The following FRMPD4 variants were observed in gnomAD, a reference collection of about 807,000 sequenced individuals.
The protein encoded by FRMPD4 is FERM and PDZ domain containing 4.
FRMPD4 carries 22 observed loss-of-function variants against 94.1 expected under a neutral mutation model. That is an observed-to-expected ratio of 0.23 (90% CI 0.17 to 0.33). FRMPD4 has a LOEUF of 0.33. FRMPD4 is among the 10% of genes least tolerant of loss of function. FRMPD4 has a pLI of 1.00. For synonymous variants in FRMPD4, 631 were observed against 548.6 expected, an observed-to-expected ratio of 1.15 and a Z score of -2.10; for missense variants, 1,111 against 1,339.9, an observed-to-expected ratio of 0.83 and a Z score of 2.67.
intron 3 of FRMPD4, among the ~76,000 whole-genome samples, chrX:11,888,721 A>G (rs1346282594): frequency 8.9e-6 from 1 of 112,410 alleles, no homozygotes; most frequent in Non-Finnish European, 1.9e-5. Context: ...AGTATATACA[A>G]AAGTTATGTT....
intron 1 of FRMPD4, among the ~76,000 whole-genome samples, chrX:12,204,216 C>T (rs1037972275): frequency 1.4e-4 from 16 of 112,280 alleles, no homozygotes; most frequent in Non-Finnish European, 2.3e-4. Flanking sequence ...AGAGATGCTA[C>T]GCTACATCGT....
chrX:12,497,928 A>C (rs975396148), intron 1 of FRMPD4, among the ~76,000 whole-genome samples: 1 of 110,867 alleles, frequency 9.0e-6, no homozygotes, highest in East Asian at 2.8e-4. Flanking sequence ...CTAGTGCGAG[A>C]GTGCCCAGCT....
intron 3 of FRMPD4, among the ~76,000 whole-genome samples, chrX:11,918,837 G>T (rs113433962): frequency 2.7e-5 from 3 of 111,671 alleles, no homozygotes; most frequent in African/African-American, 9.8e-5. Flanking sequence ...AAAAATGAAC[G>T]CAGAGATAGT....
At chrX:12,554,669 T>G (rs1205700543) in intron 2 of FRMPD4, among the ~76,000 whole-genome samples, 1 of 111,876 alleles carries the variant, frequency 8.9e-6, no homozygotes, top group South Asian at 3.8e-4. Context: ...TGGAGTACAG[T>G]GGCACGATCA....
chrX:12,386,622 TATC>T (rs1259898402), intron 1 of FRMPD4, among the ~76,000 whole-genome samples: 1 of 111,963 alleles, frequency 8.9e-6, no homozygotes, highest in Non-Finnish European at 1.9e-5. Context: ...GTAGCCGACT[TATC>T]ATCATCTTTG....
intron 1 of FRMPD4, among the ~76,000 whole-genome samples, chrX:12,319,327 T>C (rs916453981): frequency 7.1e-5 from 8 of 112,441 alleles, no homozygotes; most frequent in African/African-American, 1.9e-4. Flanking sequence ...CTTGTTCTCA[T>C]ACGCAGCTGC....
intron 1 of FRMPD4, among the ~76,000 whole-genome samples, chrX:12,360,902 C>A (rs138234437): frequency 9.6e-6 from 1 of 104,252 alleles, no homozygotes; most frequent in Non-Finnish European, 1.9e-5. Flanking sequence ...TCAGAGACAT[C>A]TGTAGCTTCT....
intron 2 of FRMPD4, among the ~76,000 whole-genome samples, chrX:12,562,982 A>C (rs2058673638): frequency 9.0e-6 from 1 of 111,005 alleles, no homozygotes; most frequent in Non-Finnish European, 1.9e-5. Context: ...GAAAACTTGG[A>C]GCTCAGTATG....
intron 1 of FRMPD4, among the ~76,000 whole-genome samples, chrX:12,342,025 A>T (rs1351330773): frequency 2.7e-5 from 3 of 112,050 alleles, no homozygotes; most frequent in African/African-American, 9.7e-5. Context: ...TTTAGAATTG[A>T]TATTCAGTAG....
Position 12,482,122 on chromosome X carries a change from CA to C in FRMPD4, c.42-16557del, listed in dbSNP as rs1410480235. Among the ~76,000 whole-genome samples the C allele has an allele frequency of 8.2e-5, 9 of 109,567 alleles. No homozygotes were observed. In the East Asian group the frequency reaches 2.0e-3, roughly 24 times the overall value. The stretch of plus-strand genomic sequence containing the variant: ...AGAAGAGGGGTTGGTCTTGCTGTCT[CA>C]GGGGTGGCAGAGGCAGAACAAAATC... On this transcript the variant is annotated intron_variant, in intron 1 of 16. Transcript: ENST00000675598.
At chrX:11,911,073 G>A (rs1208419393) in intron 3 of FRMPD4, among the ~76,000 whole-genome samples, 1 of 112,198 alleles carries the variant, frequency 8.9e-6, no homozygotes, top group East Asian at 2.8e-4. Flanking sequence ...AGGGATAGAT[G>A]GTTAGGCTTT....
chrX:12,664,185 AC>A (rs1569396747), intron 4 of FRMPD4, among the ~76,000 whole-genome samples: 1 of 112,066 alleles, frequency 8.9e-6, no homozygotes, highest in East Asian at 2.8e-4. Context: ...CTATTTGAAT[AC>A]CCGTTATTTC....
At chrX:12,333,684 G>T (rs184824357) in intron 1 of FRMPD4, among the ~76,000 whole-genome samples, 16 of 111,692 alleles carry the variant, frequency 1.4e-4, no homozygotes, top group Admixed American at 1.4e-3. Context: ...CAAAAGATTA[G>T]AATCATGATC....
rs771429391 is a variant in FRMPD4 at position 12,716,381 on chromosome X, A to C, written c.1922A>C (p.Lys641Thr). Residue 641 changes from lysine (K) to threonine (T), a missense_variant, in exon 15 of 17, where the codon AAA (lysine) becomes ACA (threonine). Physicochemically the swap from Lys to Thr is moderately conservative, Grantham distance 78. Around this residue, in one of 8 missense-constraint regions of FRMPD4, gnomAD observed 192 missense variants for 192.5 expected, o/e 1.00. Transcript: ENST00000675598. ...LTLSGPETLK[K>T]AQESPRGAKV... ...CTCTCAGGACCAGAAACTCTGAAGA[A>C]AGCACAGGAATCTCCGAGAGGAGCT... 4.1e-6 allele frequency: 5 copies of C among 1,211,498 alleles called. No individual in the cohort carries two copies. The highest frequency in any genetic ancestry group is 5.6e-6 in the Non-Finnish European group (5 of 895,096).
intron 1 of FRMPD4, among the ~76,000 whole-genome samples, chrX:12,456,364 A>G (rs1184366870): frequency 1.8e-5 from 2 of 111,216 alleles, no homozygotes; most frequent in Non-Finnish European, 3.8e-5. Context: ...CCAGCTTGGG[A>G]GAGTCAATAA....
At position 12,721,982 on chromosome X, in the gene FRMPD4, AGGAG is replaced by A; in HGVS notation, c.*125_*128del. On this transcript the variant is annotated 3_prime_UTR_variant, in exon 17 of 17. Transcript: ENST00000675598. ...TATATTTTGTTATTTTATATAAAAT[AGGAG>A]ATAAAAGTCACATTGATGAAATGTT... The A allele has an allele frequency of 1.5e-5, 3 of 195,597 alleles. No homozygotes were observed. Among genetic ancestry groups the A allele is most frequent in the Non-Finnish European group, 1.6e-5 (2 of 128,116 alleles). The allele number at this position is 195,597 out of a possible 1,213,427, so 16.1% of individuals were successfully genotyped here. A position where few individuals can be genotyped will look rare whatever the true frequency, so the allele number is the denominator to read the frequency against.
chrX:12,653,916 T>C (rs867534090), intron 4 of FRMPD4, among the ~76,000 whole-genome samples: 10 of 111,754 alleles, frequency 8.9e-5, no homozygotes, highest in South Asian at 7.4e-4. Context: ...TACAGGCATG[T>C]GCCACCATGC....
At chrX:11,827,751 CTT>C (rs1305896033) in intron 1 of FRMPD4, among the ~76,000 whole-genome samples, 3 of 111,959 alleles carry the variant, frequency 2.7e-5, no homozygotes, top group African/African-American at 9.7e-5. Context: ...AATTTTAAAA[CTT>C]TAATGAAAAT....
chrX:12,503,924 T>G (rs1157574358), intron 2 of FRMPD4, among the ~76,000 whole-genome samples: 4 of 112,214 alleles, frequency 3.6e-5, no homozygotes, highest in Non-Finnish European at 5.6e-5. Flanking sequence ...CCTTAAACTT[T>G]TTCTCCTCTA....
Sources: allele counts gnomAD v4.1 joint callset (sites outside exome capture counted in the v4.1 genomes callset), GRCh38; gene constraint gnomAD v4.1.1; regional missense constraint gnomAD v4.1.1; transcripts MANE v1.5; gene names NCBI Gene and HGNC (gene_info 2026-07-23, HGNC 2026-07-21).